Variants in PRKDC observed in about 807,000 individuals in gnomAD.
PRKDC encodes DNA-dependent protein kinase catalytic subunit.
Under a neutral mutation model 486.9 loss-of-function variants are expected in PRKDC, and 82 were observed. That is an observed-to-expected ratio of 0.17 (90% confidence interval 0.14 to 0.20). The LOEUF (loss-of-function observed/expected upper bound fraction) is 0.20. Among genes scored for constraint, PRKDC ranks in the 10% least tolerant of loss-of-function variants. The pLI, the probability that PRKDC is intolerant of heterozygous loss-of-function variation, is 1.00. For synonymous variants in PRKDC, 1,895 were observed against 1,837.0 expected, an observed-to-expected ratio of 1.03 and a Z score of -0.81; for missense variants, 4,504 against 5,038.2, an observed-to-expected ratio of 0.89 and a Z score of 3.21.
chr8:47,897,114 G>C, intron 30 of PRKDC, 47 bp downstream of exon 30: 1 of 1,516,178 alleles, frequency 6.6e-7, no homozygotes, highest in Non-Finnish European at 9.0e-7. Context: ...TTTTAAATGG[G>C]ATAATAAAGC....
At chr8:47,954,153 T>C (rs555927505) in intron 5 of PRKDC, among the ~76,000 whole-genome samples, 185 bp downstream of exon 5, 1 of 152,328 alleles carries the variant, frequency 6.6e-6, no homozygotes, top group East Asian at 1.9e-4. Flanking sequence ...TTTGTAAAAA[T>C]TAACATTTTT....
rs1052273536 is a variant in PRKDC at position 47,792,786 on chromosome 8, C to T, written c.10670+1504G>A. On this transcript the variant is annotated intron_variant, in intron 74 of 85. Transcript: ENST00000314191. ...AAATTAAAATAAAAAAAGAGCTGCT[C>T]TTAGATAAAAGCAAATCTTGCAACT... Among the ~76,000 whole-genome samples the T allele has an allele frequency of 3.9e-5, 6 of 152,178 alleles. No homozygotes were observed. The East Asian group carries it at 1.2e-3, about 29-fold the overall frequency.
At chr8:47,932,375 G>A (rs558221706) in intron 16 of PRKDC, among the ~76,000 whole-genome samples, 14 of 151,886 alleles carry the variant, frequency 9.2e-5, no homozygotes, top group African/African-American at 2.9e-4. Context: ...GAGCCACCGC[G>A]CCTGGCCTTT....
At chr8:47,825,858 T>G (rs1225134125) in intron 63 of PRKDC, among the ~76,000 whole-genome samples, 6 of 152,186 alleles carry the variant, frequency 3.9e-5, no homozygotes. Flanking sequence ...CTACTTCAAT[T>G]ATGATTTATT....
At chr8:47,798,704 A>G (rs1304291328) in intron 72 of PRKDC, among the ~76,000 whole-genome samples, 1 of 152,222 alleles carries the variant, frequency 6.6e-6, no homozygotes, top group Non-Finnish European at 1.5e-5. Flanking sequence ...AGCCAGTAAT[A>G]TTGAAGCTGC....
At chr8:47,819,557 A>T in intron 66 of PRKDC, 47 bp from the exon 67 acceptor site, 1 of 1,037,290 alleles carries the variant, frequency 9.6e-7, no homozygotes, top group Non-Finnish European at 1.4e-6. Context: ...ATGCCATGTT[A>T]TAAATCAATC....
rs766039346 is a variant in PRKDC at position 47,834,358 on chromosome 8, T to C, written c.7990A>G (p.Thr2664Ala). ...SSFDWLTGSSTDPLVDHTSPS... is the reference protein window; with the variant it reads ...SSFDWLTGSSADPLVDHTSPS... ...CTGGTGTGGTCGACCAGCGGGTCAG[T>C]GCTGCTCCCGGTCAGCCAATCAAAT... Residue 2664 changes from threonine (T) to alanine (A), a missense_variant, in exon 59 of 86, where the codon ACT becomes GCT. Around this residue, in one of 6 missense-constraint regions of PRKDC, gnomAD observed 1,592 missense variants for 1,724.6 expected, o/e 0.92. Transcript: ENST00000314191. The C allele has an allele frequency of 4.3e-6, 7 of 1,613,802 alleles. No homozygotes were observed. The East Asian group carries it at 1.3e-4, about 31-fold the overall frequency.
At chr8:47,808,513 T>C (rs2087260547) in intron 68 of PRKDC, among the ~76,000 whole-genome samples, 1 of 152,086 alleles carries the variant, frequency 6.6e-6, no homozygotes, top group Non-Finnish European at 1.5e-5. Context: ...GCCCAGCCTG[T>C]AGTGCAGTAG....
chr8:47,927,095 G>T, intron 21 of PRKDC, 99 bp downstream of exon 21: 1 of 1,142,674 alleles, frequency 8.8e-7, no homozygotes, highest in Non-Finnish European at 1.2e-6. Flanking sequence ...AACACACTGG[G>T]CTTAAATTTC....
In PRKDC at chr8:47,774,015, C is replaced by T. The variant is rs1260939696; in HGVS notation, c.*158G>A. ...TTGATTTAACCCATACACATTTACTCATCATAATCTTGATTTAAACTCATG... is the reference window on the plus strand; with the variant it reads ...TTGATTTAACCCATACACATTTACTTATCATAATCTTGATTTAAACTCATG... On this transcript the variant is annotated 3_prime_UTR_variant, in exon 86 of 86. Transcript: ENST00000314191. The T allele has an allele frequency of 7.3e-6, 5 of 687,000 alleles. No homozygotes were observed. In the Admixed American group the frequency reaches 8.9e-5, roughly 12 times the overall value. The allele number at this position is 687,000 out of a possible 1,614,324, so 42.6% of individuals were successfully genotyped here. A position where few individuals can be genotyped will look rare whatever the true frequency, so the allele number is the denominator to read the frequency against.
intron 68 of PRKDC, 138 bp downstream of exon 68, chr8:47,817,312 A>C: frequency 1.6e-6 from 1 of 636,238 alleles, no homozygotes; most frequent in East Asian, 2.8e-5. Flanking sequence ...GGAACTACTT[A>C]CATGGGAAAC....
At chr8:47,807,040 T>C (rs752541331) in intron 69 of PRKDC, 97 bp downstream of exon 69, 23 of 1,251,538 alleles carry the variant, frequency 1.8e-5, no homozygotes, top group Non-Finnish European at 2.3e-5. Flanking sequence ...CTACCAATTA[T>C]TTTAAGGTTC....
chr8:47,943,765 G>C (rs1261793392), intron 9 of PRKDC, 88 bp downstream of exon 9: 7 of 1,131,750 alleles, frequency 6.2e-6, no homozygotes, highest in East Asian at 2.6e-5. Context: ...TATCACATTT[G>C]CTTTCATTCA....
chr8:47,807,484 T>A lies in PRKDC; in HGVS notation c.9558-158A>T, dbSNP rs546535449. ...CCCAGGCTGGAGTGCAGTGGCACCA[T>A]CTAGGCTCACGGCATGCTCTGCCTC... On this transcript the variant is annotated intron_variant, in intron 68 of 85. Coordinates refer to ENST00000314191, the MANE Select transcript of PRKDC (RefSeq NM_006904.7). Among the ~76,000 whole-genome samples, 6 of 152,198 alleles carry A rather than the reference T, an allele frequency of 3.9e-5. No homozygotes were observed. The South Asian group carries it at 6.2e-4, about 16-fold the overall frequency.
chr8:47,785,102 G>A lies in PRKDC; in HGVS notation c.11107+11C>T, dbSNP rs557124196. On this transcript the variant is annotated intron_variant, in intron 77 of 85. Transcript: ENST00000314191. ...ACAGTACAGTTTTGTCACCCCTGGAGGTTAACTCACCGGGAATCTCCAGCT... is the reference window on the plus strand; with the variant it reads ...ACAGTACAGTTTTGTCACCCCTGGAAGTTAACTCACCGGGAATCTCCAGCT... 1.2e-6 allele frequency: 2 copies of A among 1,613,426 alleles called. No homozygotes were observed. The highest frequency in any genetic ancestry group is 1.7e-5 in the Admixed American group (1 of 60,008).
In PRKDC at chr8:47,897,300, C is replaced by T. The variant is rs750514695; in HGVS notation, c.3465-6G>A. On this transcript the variant is annotated splice_polypyrimidine_tract_variant and splice_region_variant and intron_variant, in intron 29 of 85. Coordinates refer to ENST00000314191, the MANE Select transcript of PRKDC (RefSeq NM_006904.7). ...ATGCGGAAGGTGGAAATCCTCTGCA[C>T]AGAGACAGCATACTGTCATTAGTCC... The T allele has an allele frequency of 1.3e-6, 2 of 1,571,666 alleles. No individual in the cohort carries two copies. The highest frequency in any genetic ancestry group is 1.2e-5 in the South Asian group (1 of 86,546).
chr8:47,956,566 T>C (rs2090704912), intron 3 of PRKDC, among the ~76,000 whole-genome samples: 1 of 147,778 alleles, frequency 6.8e-6, no homozygotes, highest in African/African-American at 2.5e-5. Flanking sequence ...TAGCTGGACA[T>C]AGTGGCACAT....
At chr8:47,858,749 T>C (rs2088603067) in intron 47 of PRKDC, 100 bp downstream of exon 47, 1 of 1,478,892 alleles carries the variant, frequency 6.8e-7, no homozygotes, top group East Asian at 2.4e-5. Context: ...ATCACATTTA[T>C]TTGATAAGCA....
Position 47,820,869 on chromosome 8 carries a change from C to T in PRKDC, c.9186G>A (p.Leu3062=). Residue 3062 remains leucine (L), a synonymous_variant, in exon 66 of 86, where the codon CTG becomes CTA. Coordinates refer to ENST00000314191, the MANE Select transcript of PRKDC (RefSeq NM_006904.7). Reference sequence around the variant, plus strand: ...CGTGCATAGCTTTGTCAATAAATGTCAGCAGGGACTGGTCAGCCTCTCCCT... The same window carrying T: ...CGTGCATAGCTTTGTCAATAAATGTTAGCAGGGACTGGTCAGCCTCTCCCT... ...LLQGEADQSL[L]TFIDKAMHGE... is the part of the protein sequence containing the mutation. 6.2e-7 allele frequency: 1 copy of T among 1,611,236 alleles called. No homozygotes were observed. The highest frequency in any genetic ancestry group is 2.2e-5 in the East Asian group (1 of 44,856).
Sources: allele counts gnomAD v4.1 joint callset (sites outside exome capture counted in the v4.1 genomes callset), GRCh38; gene constraint gnomAD v4.1.1; regional missense constraint gnomAD v4.1.1; transcripts MANE v1.5; gene names NCBI Gene and HGNC (gene_info 2026-07-23, HGNC 2026-07-21).